Variants in JCAD observed in about 807,000 individuals in gnomAD.
The protein encoded by JCAD is junctional cadherin 5 associated.
A neutral mutation model predicts 98.0 loss-of-function variants in JCAD; 40 were observed. That is an observed-to-expected ratio of 0.41 (90% CI 0.32 to 0.53). JCAD has a LOEUF of 0.53. Ranked by LOEUF, JCAD falls within the 20% of genes least tolerant of loss-of-function variation. The probability of loss-of-function intolerance (pLI) is 0.31; values close to 1 mark genes in which losing one functional copy is unlikely to be tolerated. For missense variants in JCAD, 1,705 were observed against 1,738.1 expected, an observed-to-expected ratio of 0.98 and a Z score of 0.34; for synonymous variants, 691 against 682.3, an observed-to-expected ratio of 1.01 and a Z score of -0.20.
chr10:30,037,295 G>GT (rs1837136181), intron 2 of JCAD, among the ~76,000 whole-genome samples: 1 of 152,282 alleles, frequency 6.6e-6, no homozygotes, highest in East Asian at 1.9e-4. Context: ...CTGATACAGG[G>GT]TAACGAATGG....
At chr10:30,056,503 C>T (rs568062637) in intron 1 of JCAD, among the ~76,000 whole-genome samples, 3 of 151,814 alleles carry the variant, frequency 2.0e-5, no homozygotes, top group Non-Finnish European at 4.4e-5. Flanking sequence ...TCTTCCTACA[C>T]AGACAAGTTG....
At position 30,112,766 on chromosome 10, in the gene JCAD, G is replaced by A. The variant is rs566546643; in HGVS notation, n.128+2601C>T. Among the ~76,000 whole-genome samples, 74 of 151,794 alleles carry A rather than the reference G, an allele frequency of 4.9e-4. 1 individual carries two copies. Among genetic ancestry groups the A allele is most frequent in the South Asian group, 4.0e-3 (19 of 4,806 alleles). On this transcript the variant is annotated intron_variant and non_coding_transcript_variant, in intron 1 of 2. Coordinates refer to the JCAD transcript ENST00000465712. ...ACATGCCTGTAATCCCAGCTACTCA[G>A]GAAGCTGAGACAGGAGAATTGCTTG...
At chr10:30,048,490 T>C (rs745736300) in intron 1 of JCAD, among the ~76,000 whole-genome samples, 8 of 152,174 alleles carry the variant, frequency 5.3e-5, no homozygotes, top group South Asian at 4.1e-4. Context: ...TTTGGGTTCA[T>C]GACGAGAAAA....
intron 2 of JCAD, among the ~76,000 whole-genome samples, chr10:30,064,978 A>G (rs1446238798): frequency 1.3e-5 from 2 of 152,200 alleles, no homozygotes; most frequent in Admixed American, 6.5e-5. Flanking sequence ...CCAAAACCCC[A>G]CATTCTCGAT....
At chr10:30,099,806 T>G (rs539878228) in intron 1 of JCAD, among the ~76,000 whole-genome samples, 123 of 152,322 alleles carry the variant, frequency 8.1e-4, no homozygotes, top group African/African-American at 2.9e-3. Flanking sequence ...AACTTCCTCG[T>G]AAAGTAACCT....
At chr10:30,082,515 A>G (rs1205903419) in intron 1 of JCAD, among the ~76,000 whole-genome samples, 1 of 152,066 alleles carries the variant, frequency 6.6e-6, no homozygotes, top group Non-Finnish European at 1.5e-5. Context: ...TCAAGAGATC[A>G]AGACCATCCT....
rs148069914 is a variant in JCAD, at chr10:30,020,095, G to A, written c.4046-2178C>T. ...TGTCATCCCAACACTTTAGGAGGCCGAGACAGGTGAATAACCTGAGGTCGA... is the reference window on the plus strand; with the variant it reads ...TGTCATCCCAACACTTTAGGAGGCCAAGACAGGTGAATAACCTGAGGTCGA... On this transcript the variant is annotated intron_variant, in intron 3 of 3. Coordinates refer to ENST00000375377, the MANE Select transcript of JCAD (RefSeq NM_020848.4). 4.8e-4 allele frequency among the ~76,000 whole-genome samples: 73 copies of A among 152,004 alleles called. 1 individual carries two copies. The East Asian group carries it at 0.012, about 25-fold the overall frequency.
At chr10:30,086,688 C>T (rs538291060) in intron 1 of JCAD, among the ~76,000 whole-genome samples, 5 of 152,312 alleles carry the variant, frequency 3.3e-5, no homozygotes, top group African/African-American at 1.2e-4. Flanking sequence ...AGCACATATG[C>T]TGGATGAAGC....
intron 2 of JCAD, among the ~76,000 whole-genome samples, chr10:30,066,008 A>G (rs1837778139): frequency 6.6e-6 from 1 of 152,210 alleles, no homozygotes; most frequent in South Asian, 2.1e-4. Flanking sequence ...TGATTCTCAC[A>G]TACAGTAAAG....
intron 3 of JCAD, among the ~76,000 whole-genome samples, chr10:30,025,531 TGGGAA>T (rs1302608729): frequency 1.4e-3 from 31 of 22,262 alleles, no homozygotes; most frequent in African/African-American, 6.0e-3. Flanking sequence ...AAGAAAAAAA[TGGGAA>T]GGGGAGGGGA....
chr10:30,036,465 A>C (rs908058558), intron 2 of JCAD, among the ~76,000 whole-genome samples: 4 of 149,012 alleles, frequency 2.7e-5, no homozygotes, highest in African/African-American at 1.0e-4. Context: ...AAAAAAAAAC[A>C]AAAAAAATGC....
rs763428053 is a variant in JCAD at position 30,029,382 on chromosome 10, G to A, written c.766C>T (p.Pro256Ser). ...GTGGGAGGATACGGTGGCATTTTAG[G>A]TGAATGTCTTTCATTTAATGGAATG... ...IPIPLNERHSPKMPPYPPTCA... is the reference protein window; with the variant it reads ...IPIPLNERHSSKMPPYPPTCA... The change falls in exon 3 of 4, where the codon CCT becomes TCT. Residue 256 changes from proline (P) to serine (S), a missense_variant. Pro to Ser is a moderately conservative substitution (Grantham distance 74). Coordinates refer to ENST00000375377, the MANE Select transcript of JCAD (RefSeq NM_020848.4). 1.9e-6 allele frequency: 3 copies of A among 1,614,068 alleles called. No individual in the cohort carries two copies. The highest frequency in any genetic ancestry group is 2.5e-6 in the Non-Finnish European group (3 of 1,180,022).
At chr10:30,029,982 C>A in intron 2 of JCAD, 116 bp from the exon 3 acceptor site, 5 of 1,163,042 alleles carry the variant, frequency 4.3e-6, no homozygotes, top group African/African-American at 1.6e-5. Flanking sequence ...TGGTTCCCAG[C>A]CACAGTACTT....
At chr10:30,050,630 C>G (rs977756349) in intron 1 of JCAD, among the ~76,000 whole-genome samples, 1 of 152,190 alleles carries the variant, frequency 6.6e-6, no homozygotes, top group African/African-American at 2.4e-5. Flanking sequence ...AAGACATAAC[C>G]CTCACAAAAC....
intron 1 of JCAD, among the ~76,000 whole-genome samples, chr10:30,071,018 G>GC: frequency 6.6e-6 from 1 of 152,100 alleles, no homozygotes; most frequent in East Asian, 1.9e-4. Flanking sequence ...CAATTATCCT[G>GC]CTCAGCCTCC....
Position 30,028,703 on chromosome 10 carries a change from G to A in JCAD, c.1445C>T (p.Pro482Leu), listed in dbSNP as rs767367414. The A allele has an allele frequency of 1.3e-5, 21 of 1,611,566 alleles. No individual in the cohort carries two copies. The highest frequency in any genetic ancestry group is 1.6e-5 in the Non-Finnish European group (19 of 1,178,618). ...GAIWNPQSLIPPSGDERGLVL... is the reference protein window; with the variant it reads ...GAIWNPQSLILPSGDERGLVL... ...CAGGCCTCTCTCATCCCCCGACGGG[G>A]GTATTAAGCTCTGTGGATTCCAAAT... Residue 482 changes from proline (P) to leucine (L), a missense_variant, in exon 3 of 4, where the codon CCC becomes CTC. This residue lies in a region of JCAD where 1,278 missense variants were observed against 1,243.1 expected (regional missense o/e 1.03). Transcript: ENST00000375377.
intron 1 of JCAD, among the ~76,000 whole-genome samples, chr10:30,113,336 A>G (rs2132723464): frequency 6.6e-6 from 1 of 152,086 alleles, no homozygotes; most frequent in African/African-American, 2.4e-5. Context: ...GGATCACCTG[A>G]GGTCAGGAGT....
chr10:30,028,146 G>A lies in JCAD; in HGVS notation c.2002C>T (p.His668Tyr). ...TTGAGTTCTCTGTGCTTTGTAAGGT[G>A]GATGAAACTGAGGTCATTTGTTTGT... ...DRQTNDLSFI[H>Y]LTKHRELKHS... Residue 668 changes from histidine (H) to tyrosine (Y), a missense_variant, in exon 3 of 4, where the codon CAC (histidine) becomes TAC (tyrosine). Around this residue, in one of 3 missense-constraint regions of JCAD, gnomAD observed 1,278 missense variants for 1,243.1 expected, o/e 1.03. Coordinates refer to ENST00000375377, the MANE Select transcript of JCAD (RefSeq NM_020848.4). 1 of 1,614,180 alleles carries A rather than the reference G, an allele frequency of 6.2e-7. No homozygotes were observed.
chr10:30,027,454 C>T lies in JCAD; in HGVS notation c.2694G>A (p.Val898=), dbSNP rs1836848406. The T allele has an allele frequency of 6.2e-7, 1 of 1,604,936 alleles. No homozygotes were observed. The highest frequency in any genetic ancestry group is 1.7e-5 in the Admixed American group (1 of 60,014). The change falls in exon 3 of 4, where the codon GTG becomes GTA. Residue 898 remains valine, a synonymous_variant. Coordinates refer to ENST00000375377, the MANE Select transcript of JCAD (RefSeq NM_020848.4). ...MRVEPQPRMW[V]PESPVCRSGR... ...CCGACCTACACACAGGGCTCTCCGG[C>T]ACCCACATCCTCGGCTGTGGCTCAA...
Sources: allele counts gnomAD v4.1 joint callset (sites outside exome capture counted in the v4.1 genomes callset), GRCh38; gene constraint gnomAD v4.1.1; regional missense constraint gnomAD v4.1.1; transcripts MANE v1.5; gene names NCBI Gene and HGNC (gene_info 2026-07-23, HGNC 2026-07-21).